TPTE: variants seen among roughly 807,000 people sequenced by gnomAD.
The protein encoded by TPTE is transmembrane phosphatase with tensin homology.
In TPTE, 59 loss-of-function variants were observed where a neutral mutation model predicts 84.1. The ratio of observed to expected loss-of-function variants is 0.70; its 90% CI spans 0.57 to 0.87. TPTE has a LOEUF of 0.87. Ranked by LOEUF, TPTE falls within the 40% of genes least tolerant of loss-of-function variation. The pLI, the probability that TPTE is intolerant of heterozygous loss-of-function variation, is 0.00. For missense variants in TPTE, 382 were observed against 659.6 expected, an observed-to-expected ratio of 0.58 and a Z score of 4.61; for synonymous variants, 130 against 223.5, an observed-to-expected ratio of 0.58 and a Z score of 3.73.
intron 14 of TPTE, among the ~76,000 whole-genome samples, chr21:10,572,840 A>G (rs1398423989): frequency 6.6e-6 from 1 of 152,304 alleles, no homozygotes; most frequent in Non-Finnish European, 1.5e-5. Flanking sequence ...AGATATACAC[A>G]TGAGAAAGAG....
intron 4 of TPTE, 102 bp downstream of exon 4, chr21:10,538,836 A>G (rs936253760): frequency 4.3e-5 from 70 of 1,611,410 alleles, no homozygotes; most frequent in Admixed American, 2.2e-4. Context: ...CCATCCATCC[A>G]TGCATCCATC....
chr21:10,581,648 A>T (rs1437768624), intron 17 of TPTE, among the ~76,000 whole-genome samples: 66 of 152,218 alleles, frequency 4.3e-4, no homozygotes, highest in Non-Finnish European at 5.9e-5. Flanking sequence ...CTGGATGCCA[A>T]TTTTTCTTAG....
intron 7 of TPTE, among the ~76,000 whole-genome samples, chr21:10,549,041 C>T (rs1266304094): frequency 6.6e-6 from 1 of 152,312 alleles, no homozygotes; most frequent in Non-Finnish European, 1.5e-5. Context: ...TGAGCCCACC[C>T]CTGGCAAGGC....
At chr21:10,532,437 CAA>C (rs1190539052) in intron 3 of TPTE, among the ~76,000 whole-genome samples, 1 of 152,306 alleles carries the variant, frequency 6.6e-6, no homozygotes, top group African/African-American at 2.4e-5. Context: ...GTAATCTTTG[CAA>C]AGATACACAC....
intron 14 of TPTE, among the ~76,000 whole-genome samples, chr21:10,575,093 C>T (rs2075124318): frequency 6.6e-6 from 1 of 152,308 alleles, no homozygotes; most frequent in Non-Finnish European, 1.5e-5. Context: ...GAATCCACCT[C>T]AGATGGGTCT....
At chr21:10,526,273 G>C (rs1297310350) in intron 2 of TPTE, among the ~76,000 whole-genome samples, 1 of 152,312 alleles carries the variant, frequency 6.6e-6, no homozygotes, top group Non-Finnish European at 1.5e-5. Context: ...AACGAGATGC[G>C]ATAATTTGAA....
At chr21:10,567,256 A>T (rs1370971930) in intron 10 of TPTE, among the ~76,000 whole-genome samples, 69 of 151,614 alleles carry the variant, frequency 4.6e-4, no homozygotes, top group Middle Eastern at 3.4e-3. Flanking sequence ...CTACTATTTG[A>T]TAGCACAACA....
At chr21:10,526,366 A>G (rs2074079004) in intron 2 of TPTE, among the ~76,000 whole-genome samples, 2 of 152,306 alleles carry the variant, frequency 1.3e-5, no homozygotes. Context: ...GCTATTGATC[A>G]GAGTCCAAAA....
At chr21:10,559,748 C>T (rs2074756403) in intron 9 of TPTE, among the ~76,000 whole-genome samples, 2 of 152,400 alleles carry the variant, frequency 1.3e-5, no homozygotes, top group Admixed American at 6.5e-5. Flanking sequence ...ATGGTGGGTG[C>T]CTATAATCCC....
At chr21:10,599,739 A>T (rs1165502696) in intron 21 of TPTE, among the ~76,000 whole-genome samples, 1 of 152,312 alleles carries the variant, frequency 6.6e-6, no homozygotes, top group Non-Finnish European at 1.5e-5. Context: ...TAGCTTGACC[A>T]GCAGACTTCA....
chr21:10,573,776 T>C (rs1442549828), intron 14 of TPTE, among the ~76,000 whole-genome samples: 5 of 152,294 alleles, frequency 3.3e-5, no homozygotes, highest in Admixed American at 2.0e-4. Flanking sequence ...ATTACCTGAC[T>C]TGGCTGAATG....
intron 10 of TPTE, among the ~76,000 whole-genome samples, chr21:10,562,085 A>T (rs2074817409): frequency 1.3e-5 from 2 of 152,312 alleles, no homozygotes; most frequent in South Asian, 4.1e-4. Flanking sequence ...AGAAAACAAG[A>T]GTCTCTTTTT....
At chr21:10,529,398 G>C (rs1400640579) in intron 3 of TPTE, among the ~76,000 whole-genome samples, 3 of 152,308 alleles carry the variant, frequency 2.0e-5, no homozygotes, top group African/African-American at 7.2e-5. Flanking sequence ...ATGTCTAACA[G>C]CTACTTTTAG....
intron 10 of TPTE, among the ~76,000 whole-genome samples, chr21:10,567,298 A>G (rs11910267): frequency 0.013 from 1,927 of 149,812 alleles, no homozygotes; most frequent in African/African-American, 0.022. Context: ...ACTTGATTGT[A>G]TATTTTTAAA....
chr21:10,581,244 T>G (rs1456525027), intron 17 of TPTE, among the ~76,000 whole-genome samples: 24 of 152,336 alleles, frequency 1.6e-4, no homozygotes, highest in African/African-American at 5.8e-4. Context: ...TTGAATCATT[T>G]GAAATTGCCA....
intron 18 of TPTE, among the ~76,000 whole-genome samples, chr21:10,590,831 T>C (rs1205577905): frequency 6.6e-6 from 1 of 152,312 alleles, no homozygotes; most frequent in African/African-American, 2.4e-5. Flanking sequence ...TAAAAATTAA[T>C]GCAAAAAATC....
intron 9 of TPTE, among the ~76,000 whole-genome samples, chr21:10,559,889 A>T (rs1415408382): frequency 1.3e-5 from 2 of 152,048 alleles, no homozygotes; most frequent in Non-Finnish European, 2.9e-5. Flanking sequence ...AAAAAAAAAA[A>T]AAAAGAAAAG....
At chr21:10,587,075 G>C (rs1386226319) in intron 17 of TPTE, among the ~76,000 whole-genome samples, 5 of 152,304 alleles carry the variant, frequency 3.3e-5, no homozygotes, top group South Asian at 2.1e-4. Flanking sequence ...CATTAATTGA[G>C]ATAATTGTAA....
At chr21:10,547,316 C>T (rs1190478712) in intron 7 of TPTE, among the ~76,000 whole-genome samples, 1 of 152,308 alleles carries the variant, frequency 6.6e-6, no homozygotes, top group Non-Finnish European at 1.5e-5. Flanking sequence ...GGAGACACAT[C>T]TGTGGTGACT....
Sources: allele counts gnomAD v4.1 joint callset (sites outside exome capture counted in the v4.1 genomes callset), GRCh38; gene constraint gnomAD v4.1.1; transcripts MANE v1.5; gene names NCBI Gene and HGNC (gene_info 2026-07-23, HGNC 2026-07-21).